CHRM5: variants seen among roughly 807,000 people sequenced by gnomAD.
CHRM5 encodes the protein muscarinic acetylcholine receptor M5.
A neutral mutation model predicts 39.0 loss-of-function variants in CHRM5; 18 were observed. The observed-to-expected ratio is 0.46, with a 90% CI of 0.32 to 0.68. CHRM5 has a LOEUF of 0.68. Ranked by LOEUF, CHRM5 falls within the 30% of genes least tolerant of loss-of-function variation. CHRM5 has a pLI of 0.04. For missense variants in CHRM5, 515 were observed against 651.1 expected (o/e 0.79, Z 2.28); for synonymous variants, 241 against 246.3 (o/e 0.98, Z 0.20).
At chr15:34,032,830 G>A (rs1051669326) in intron 1 of CHRM5, among the ~76,000 whole-genome samples, 2 of 152,166 alleles carry the variant, frequency 1.3e-5, no homozygotes. Context: ...TAGATGTTGA[G>A]GATGTGTAAC....
chr15:34,056,079 G>C (rs982083412), intron 2 of CHRM5, among the ~76,000 whole-genome samples: 6 of 152,124 alleles, frequency 3.9e-5, no homozygotes, highest in African/African-American at 1.4e-4. Flanking sequence ...AATATGCTGA[G>C]GGCTGTTTTC....
intron 1 of CHRM5, among the ~76,000 whole-genome samples, chr15:34,029,405 G>C (rs911878713): frequency 5.9e-5 from 9 of 151,728 alleles, no homozygotes; most frequent in African/African-American, 1.5e-4. Context: ...TAGGAACCGG[G>C]CAAGGTGGCT....
At chr15:34,015,465 G>A (rs185900072) in intron 1 of CHRM5, among the ~76,000 whole-genome samples, 1 of 151,736 alleles carries the variant, frequency 6.6e-6, no homozygotes, top group Non-Finnish European at 1.5e-5. Context: ...CTGGGTGACA[G>A]AGCGAGACTC....
chr15:33,981,522 TC>T (rs1896143946), intron 1 of CHRM5, among the ~76,000 whole-genome samples: 1 of 152,092 alleles, frequency 6.6e-6, no homozygotes, highest in South Asian at 2.1e-4. Flanking sequence ...AACACAAGTT[TC>T]CCAAACAATG....
At position 34,066,498 on chromosome 15, in the gene CHRM5, T is replaced by C. The variant is rs1037458470; in HGVS notation, c.*2182T>C. 1 of 152,228 alleles carries C rather than the reference T, an allele frequency of 6.6e-6. No homozygotes were observed. Among genetic ancestry groups the C allele is most frequent in the Non-Finnish European group, 1.5e-5 (1 of 68,060 alleles). 9.4% of individuals were successfully genotyped at this position (152,228 alleles called of 1,614,324 possible). A position where few individuals can be genotyped will look rare whatever the true frequency, so the allele number is the denominator to read the frequency against. On this transcript the variant is annotated 3_prime_UTR_variant, in exon 3 of 3. Coordinates refer to ENST00000383263, the MANE Select transcript of CHRM5 (RefSeq NM_012125.4). ...GGACTTGGCCTTTTTTGTTCATCTT[T>C]TGTGAAATTGATTAAGAAGTGTATT...
chr15:34,012,263 A>G (rs1897668268), intron 1 of CHRM5, among the ~76,000 whole-genome samples: 2 of 140,592 alleles, frequency 1.4e-5, no homozygotes, highest in African/African-American at 5.9e-5. Context: ...TGCTTTGCCA[A>G]TCTATTTAAT....
At position 34,046,761 on chromosome 15, in the gene CHRM5, A is replaced by C. The variant is rs1462829870; in HGVS notation, c.-186A>C. ...TATCCAGGTTCTCGCTTTGGGACTA[A>C]TTGGGCAAACAACTTGACCCACAGA... On this transcript the variant is annotated 5_prime_UTR_variant, in exon 2 of 3. Coordinates refer to ENST00000383263, the MANE Select transcript of CHRM5 (RefSeq NM_012125.4). 6.6e-6 allele frequency: 1 copy of C among 152,376 alleles called. No individual in the cohort carries two copies. Among genetic ancestry groups the C allele is most frequent in the Non-Finnish European group, 1.5e-5 (1 of 68,156 alleles). 9.4% of individuals were successfully genotyped at this position (152,376 alleles called of 1,614,324 possible). A position where few individuals can be genotyped will look rare whatever the true frequency, so the allele number is the denominator to read the frequency against.
At chr15:34,038,806 C>T in intron 1 of CHRM5, 1 of 1,193,168 alleles carries the variant, frequency 8.4e-7, no homozygotes, top group Non-Finnish European at 1.0e-6. Context: ...GCGCCCCAGC[C>T]TCCCGGCTCC....
intron 1 of CHRM5, among the ~76,000 whole-genome samples, chr15:34,033,427 A>G (rs1271551324): frequency 6.6e-6 from 1 of 150,810 alleles, no homozygotes; most frequent in Non-Finnish European, 1.5e-5. Context: ...AATTGCTTGA[A>G]CCCAAGAGGC....
At chr15:34,013,249 G>A (rs746646839) in intron 1 of CHRM5, among the ~76,000 whole-genome samples, 10 of 152,078 alleles carry the variant, frequency 6.6e-5, no homozygotes, top group Admixed American at 3.3e-4. Flanking sequence ...TTTAGCAGAG[G>A]TGGGGTTTCA....
rs34150283 is a variant in CHRM5, at chr15:34,066,814, C to CA, written c.*2509dup. The CA allele has an allele frequency of 0.74, 109,357 of 147,518 alleles. 41,471 individuals carry two copies. Among genetic ancestry groups the CA allele is most frequent in the Non-Finnish European group, 0.84 (56,452 of 66,854 alleles). The allele number at this position is 147,518 out of a possible 1,614,324, so 9.1% of individuals were successfully genotyped here. A position where few individuals can be genotyped will look rare whatever the true frequency, so the allele number is the denominator to read the frequency against. On this transcript the variant is annotated 3_prime_UTR_variant, in exon 3 of 3. Transcript: ENST00000383263. ...TAAGTGACAGAGCAAGACCCTGCCT[C>CA]AAAAAAAAAAAGAGAGAGAGAGAGG...
chr15:34,026,155 C>T (rs1187043428), intron 1 of CHRM5, among the ~76,000 whole-genome samples: 1 of 152,136 alleles, frequency 6.6e-6, no homozygotes, highest in Non-Finnish European at 1.5e-5. Context: ...TAAATGCATA[C>T]ATATACCTTA....
At chr15:34,044,578 T>C (rs113236748) in intron 1 of CHRM5, among the ~76,000 whole-genome samples, 1 of 342 alleles carries the variant, frequency 2.9e-3, no homozygotes, top group African/African-American at 3.5e-3. Flanking sequence ...TTGGCACACA[T>C]AGAAAATGGT....
At chr15:33,985,655 T>C (rs188883837) in intron 1 of CHRM5, among the ~76,000 whole-genome samples, 2 of 152,160 alleles carry the variant, frequency 1.3e-5, no homozygotes, top group East Asian at 3.9e-4. Flanking sequence ...TGTAGGCATT[T>C]CTGTACCCTC....
In CHRM5 at chr15:34,064,150, A is replaced by T. The variant is rs760785722; in HGVS notation, c.1433A>T (p.His478Leu). Residue 478 changes from histidine (H) to leucine (L), a missense_variant, in exon 3 of 3, where the codon CAC becomes CTC. Coordinates refer to ENST00000383263, the MANE Select transcript of CHRM5 (RefSeq NM_012125.4). ...CDKCVPVTLWHLGYWLCYVNS... is the reference protein window; with the variant it reads ...CDKCVPVTLWLLGYWLCYVNS... ...AAGTGTGTCCCAGTCACCCTGTGGC[A>T]CTTGGGCTATTGGTTGTGCTATGTC... is the stretch of plus-strand genomic sequence containing the variant. 6.2e-7 allele frequency: 1 copy of T among 1,614,218 alleles called. No individual in the cohort carries two copies. Among genetic ancestry groups the T allele is most frequent in the South Asian group, 1.1e-5 (1 of 91,076 alleles).
Position 34,063,249 on chromosome 15 carries a change from G to T in CHRM5, c.532G>T (p.Val178Phe), listed in dbSNP as rs1370704585. The T allele has an allele frequency of 1.2e-6, 2 of 1,614,184 alleles. No homozygotes were observed. The highest frequency in any genetic ancestry group is 1.7e-6 in the Non-Finnish European group (2 of 1,180,038). The change falls in exon 3 of 3, where the codon GTT becomes TTT. Residue 178 changes from valine to phenylalanine, a missense_variant. Physicochemically the swap from Val to Phe is conservative, Grantham distance 50. Transcript: ENST00000383263. The surrounding 1 kb of genome is among the most constrained non-coding windows in gnomAD (Gnocchi z 4.1). Reference sequence around the variant, plus strand: ...GCAGTACTTGGTTGGGAAGCGGACAGTTCCACTGGATGAGTGCCAGATCCA... The same window carrying T: ...GCAGTACTTGGTTGGGAAGCGGACATTTCCACTGGATGAGTGCCAGATCCA... ...CWQYLVGKRT[V>F]PLDECQIQFL...
chr15:34,048,403 C>T (rs985531753), intron 2 of CHRM5, among the ~76,000 whole-genome samples: 7 of 151,222 alleles, frequency 4.6e-5, no homozygotes, highest in Non-Finnish European at 8.8e-5. Context: ...GGAAGGGTCC[C>T]CCACAACGAG....
rs1900478023 is a variant in CHRM5, at chr15:34,065,185, A to G, written c.*869A>G. 1 of 153,704 alleles carries G rather than the reference A, an allele frequency of 6.5e-6. No homozygotes were observed. The highest frequency in any genetic ancestry group is 2.1e-4 in the South Asian group (1 of 4,832). The allele number at this position is 153,704 out of a possible 1,614,324, so 9.5% of individuals were successfully genotyped here. On this transcript the variant is annotated 3_prime_UTR_variant, in exon 3 of 3. Transcript: ENST00000383263. ...TGTGCCCATTTGAACCCATTTATTT[A>G]TGCTCTGTTCTTAGGAAGACTAATT... is the stretch of plus-strand genomic sequence containing the variant.
intron 1 of CHRM5, among the ~76,000 whole-genome samples, chr15:33,979,694 G>GA (rs1290549778): frequency 2.0e-5 from 3 of 152,116 alleles, no homozygotes; most frequent in African/African-American, 7.2e-5. Context: ...TGAAGAGTGA[G>GA]AAAAAAGACA....
Sources: gnomAD v4.1 joint callset for allele counts (sites outside exome capture counted in the v4.1 genomes callset) on GRCh38, gnomAD v4.1.1 for gene constraint, Gnocchi (gnomAD v3.1) non-coding constraint, MANE v1.5 for transcripts, NCBI Gene and HGNC (gene_info 2026-07-23, HGNC 2026-07-21) for gene names.